Variants in DOCK3 observed in about 807,000 individuals in gnomAD.
The protein encoded by DOCK3 is dedicator of cytokinesis 3.
DOCK3 carries 60 observed loss-of-function variants against 265.6 expected under a neutral mutation model. The ratio of observed to expected loss-of-function variants is 0.23; its 90% CI spans 0.18 to 0.28. The LOEUF (loss-of-function observed/expected upper bound fraction) is 0.28. DOCK3 is among the 10% of genes least tolerant of loss of function. The pLI is 1.00. For missense variants in DOCK3, 1,981 were observed against 2,594.3 expected, an observed-to-expected ratio of 0.76 and a Z score of 5.14; for synonymous variants, 881 against 938.0, an observed-to-expected ratio of 0.94 and a Z score of 1.11.
At chr3:51,266,829 A>T (rs1040453203) in intron 23 of DOCK3, among the ~76,000 whole-genome samples, 23 of 152,190 alleles carry the variant, frequency 1.5e-4, no homozygotes, top group Middle Eastern at 3.2e-3. Flanking sequence ...TGACAAATGG[A>T]ATCTGATTAA....
At chr3:50,678,203 C>T (rs1014441966) in intron 1 of DOCK3, among the ~76,000 whole-genome samples, 2 of 151,920 alleles carry the variant, frequency 1.3e-5, no homozygotes, top group Non-Finnish European at 2.9e-5. Context: ...CTTTACTGTA[C>T]CCGTTCGCCC....
chr3:51,303,154 C>T (rs1025681451), intron 27 of DOCK3, among the ~76,000 whole-genome samples: 1 of 151,620 alleles, frequency 6.6e-6, no homozygotes, highest in African/African-American at 2.4e-5. Flanking sequence ...CTTATTTCAG[C>T]AAGATAGTCT....
intron 4 of DOCK3, among the ~76,000 whole-genome samples, chr3:50,928,190 A>G (rs1435196184): frequency 4.0e-5 from 6 of 150,914 alleles, no homozygotes; most frequent in East Asian, 1.9e-4. Context: ...TAAGTGTACA[A>G]TCCAGTGGCA....
intron 5 of DOCK3, among the ~76,000 whole-genome samples, chr3:50,973,073 T>TTTTTTA (rs2077298098): frequency 9.1e-6 from 1 of 109,856 alleles, no homozygotes; most frequent in Non-Finnish European, 2.0e-5. Context: ...TTTTTTTTTT[T>TTTTTTA]GCAGTTCCAA....
chr3:51,022,600 T>C (rs1371265294), intron 5 of DOCK3, among the ~76,000 whole-genome samples: 4 of 152,220 alleles, frequency 2.6e-5, no homozygotes, highest in Non-Finnish European at 5.9e-5. Flanking sequence ...AAATTTCTTA[T>C]AGATTCTGGG....
intron 17 of DOCK3, 55 bp downstream of exon 17, chr3:51,228,143 T>C: frequency 6.4e-7 from 1 of 1,551,090 alleles, no homozygotes; most frequent in South Asian, 1.1e-5. Context: ...GAGGCCACTC[T>C]CACACATGGT....
intron 9 of DOCK3, among the ~76,000 whole-genome samples, chr3:51,140,807 G>C (rs556541686): frequency 8.9e-4 from 135 of 152,150 alleles, no homozygotes; most frequent in African/African-American, 3.2e-3. Flanking sequence ...GTGTGACGTG[G>C]TACCCTCATT....
intron 27 of DOCK3, among the ~76,000 whole-genome samples, chr3:51,288,331 G>A (rs1370600910): frequency 6.7e-6 from 1 of 149,712 alleles, no homozygotes; most frequent in Non-Finnish European, 1.5e-5. Flanking sequence ...GGCAGAGGTT[G>A]CAGTGAGCCA....
At chr3:51,256,932 G>C (rs2079582090) in intron 22 of DOCK3, among the ~76,000 whole-genome samples, 1 of 152,180 alleles carries the variant, frequency 6.6e-6, no homozygotes. Context: ...AAAGGCAACT[G>C]ATGTGACTAA....
At chr3:51,124,028 GT>G (rs149296054) in intron 9 of DOCK3, among the ~76,000 whole-genome samples, 120 of 152,238 alleles carry the variant, frequency 7.9e-4, no homozygotes, top group African/African-American at 2.8e-3. Flanking sequence ...TGACTGCTAG[GT>G]TTTTAGATGT....
At chr3:51,376,750 C>T (rs1260540043) in intron 51 of DOCK3, among the ~76,000 whole-genome samples, 3 of 152,200 alleles carry the variant, frequency 2.0e-5, no homozygotes, top group East Asian at 1.9e-4. Context: ...ATCTGTTCAT[C>T]GAGTGCTATG....
At chr3:50,870,119 A>G (rs978093705) in intron 3 of DOCK3, among the ~76,000 whole-genome samples, 4 of 152,142 alleles carry the variant, frequency 2.6e-5, no homozygotes, top group Admixed American at 1.3e-4. Flanking sequence ...GTAAATATCT[A>G]TTCGATTCAT....
chr3:51,068,867 T>G (rs914191264), intron 6 of DOCK3, among the ~76,000 whole-genome samples: 1 of 152,218 alleles, frequency 6.6e-6, no homozygotes, highest in Non-Finnish European at 1.5e-5. Flanking sequence ...TGAGTAATAT[T>G]CAGTTAGAAC....
At chr3:51,147,043 G>A (rs759571348) in intron 10 of DOCK3, among the ~76,000 whole-genome samples, 2 of 151,852 alleles carry the variant, frequency 1.3e-5, no homozygotes, top group African/African-American at 2.4e-5. Flanking sequence ...AGCCCAGGAG[G>A]TTGAAGCTGC....
chr3:51,040,125 T>C (rs1163121699), intron 5 of DOCK3, among the ~76,000 whole-genome samples: 1 of 152,060 alleles, frequency 6.6e-6, no homozygotes, highest in East Asian at 1.9e-4. Flanking sequence ...TTGTACTTCA[T>C]TGACTTCTAA....
chr3:50,994,895 G>GTA (rs1179652582), intron 5 of DOCK3, among the ~76,000 whole-genome samples: 1 of 152,104 alleles, frequency 6.6e-6, no homozygotes, highest in Non-Finnish European at 1.5e-5. Flanking sequence ...CATCATTGTT[G>GTA]TATACCATTA....
At chr3:50,762,444 G>A (rs2040591338) in intron 1 of DOCK3, among the ~76,000 whole-genome samples, 1 of 152,028 alleles carries the variant, frequency 6.6e-6, no homozygotes, top group African/African-American at 2.4e-5. Context: ...CTTAGTTTTG[G>A]TCATCAATAT....
chr3:51,114,110 T>TA (rs5848916), intron 9 of DOCK3, among the ~76,000 whole-genome samples: 9 of 149,690 alleles, frequency 6.0e-5, no homozygotes, highest in Non-Finnish European at 7.4e-5. Context: ...CCCTGTCTCA[T>TA]AAAAAAAAAA....
chr3:50,975,314 C>T (rs1323915262), intron 5 of DOCK3, among the ~76,000 whole-genome samples: 2 of 151,294 alleles, frequency 1.3e-5, no homozygotes, highest in Non-Finnish European at 3.0e-5. Flanking sequence ...AAATATGTCC[C>T]ATCAATACCT....
Sources: allele counts gnomAD v4.1 joint callset (sites outside exome capture counted in the v4.1 genomes callset), GRCh38; gene constraint gnomAD v4.1.1; transcripts MANE v1.5; gene names NCBI Gene and HGNC (gene_info 2026-07-23, HGNC 2026-07-21).